Variants in IDI2 observed in about 807,000 individuals in gnomAD.
IDI2 encodes isopentenyl-diphosphate delta isomerase 2, also known as isopentenyl-diphosphate delta-isomerase 2.
Under a neutral mutation model 14.8 loss-of-function variants are expected in IDI2, and 18 were observed. That is an observed-to-expected ratio of 1.22 (90% CI 0.84 to 1.80). The LOEUF (loss-of-function observed/expected upper bound fraction) is 1.80, where lower values mean the gene tolerates loss of function less well. Ranked by LOEUF, IDI2 falls within the 40% of genes most tolerant of loss-of-function variation. IDI2 has a pLI of 0.00. For missense variants in IDI2, 316 were observed against 283.2 expected (o/e 1.12, Z -0.83); for synonymous variants, 133 against 109.6 (o/e 1.21, Z -1.33).
At position 1,020,854 on chromosome 10, in the gene IDI2, T is replaced by C. The variant is rs140277950; in HGVS notation, c.279A>G (p.Pro93=). 6.2e-6 allele frequency: 10 copies of C among 1,614,032 alleles called. No individual in the cohort carries two copies. The African/African-American group carries it at 8.0e-5, about 13-fold the overall frequency. Residue 93 remains proline, a synonymous_variant, in exon 4 of 5, where the codon CCA becomes CCG. Transcript: ENST00000277517. The stretch of plus-strand genomic sequence containing the variant: ...TGGCATCCTTTTCTTCCAGTTCTGC[T>C]GGGTTGTATAATGGGTGGCTACTAC... ...DSCSSHPLYN[P]AELEEKDAIG...
chr10:1,022,792 C>A lies in IDI2; in HGVS notation c.143-17G>T, dbSNP rs140328527. The A allele has an allele frequency of 5.4e-3, 8,607 of 1,593,004 alleles. 64 individuals are homozygous for A. The highest frequency in any genetic ancestry group is 5.3e-3 in the Middle Eastern group (32 of 6,034). ...GCAGCAGCCCTGCAAAGGTAAGTGC[C>A]ATTTGTGTGAGTGCATGCCTGGAGT... is the stretch of plus-strand genomic sequence containing the variant. On this transcript the variant is annotated splice_polypyrimidine_tract_variant and intron_variant, in intron 2 of 4. Coordinates refer to ENST00000277517, the MANE Select transcript of IDI2 (RefSeq NM_033261.3).
chr10:1,020,974 A>T (rs1459757632), intron 3 of IDI2, 77 bp from the exon 4 acceptor site: 2 of 1,467,516 alleles, frequency 1.4e-6, no homozygotes, highest in South Asian at 2.6e-5. Flanking sequence ...CAGATGCTTC[A>T]TGTAAAACCA....
intron 3 of IDI2, among the ~76,000 whole-genome samples, chr10:1,021,990 T>G (rs944217329): frequency 2.0e-5 from 3 of 152,214 alleles, no homozygotes; most frequent in Non-Finnish European, 4.4e-5. Context: ...CCGGGCCCGG[T>G]GGCTCACGCC....
At chr10:1,023,388 A>G (rs1832150659) in intron 2 of IDI2, among the ~76,000 whole-genome samples, 1 of 151,820 alleles carries the variant, frequency 6.6e-6, no homozygotes, top group Admixed American at 6.6e-5. Flanking sequence ...AGGCAGGAGA[A>G]TGGCATGAAC....
chr10:1,021,886 G>T (rs1484820313), intron 3 of IDI2, among the ~76,000 whole-genome samples: 1 of 152,214 alleles, frequency 6.6e-6, no homozygotes, highest in African/African-American at 2.4e-5. Context: ...CTCAGGCAAG[G>T]TCTGGTTTTG....
chr10:1,022,894 G>T, intron 2 of IDI2, 119 bp from the exon 3 acceptor site: 1 of 704,422 alleles, frequency 1.4e-6, no homozygotes, highest in Non-Finnish European at 2.5e-6. Context: ...CACCTGGGCA[G>T]GGCAAAGGGG....
chr10:1,020,716 C>T, intron 4 of IDI2, 51 bp downstream of exon 4: 2 of 1,543,614 alleles, frequency 1.3e-6, no homozygotes, highest in Non-Finnish European at 1.7e-6. Flanking sequence ...CGTCTGCCCG[C>T]TGCCAACCTG....
At chr10:1,021,440 C>T (rs758816027) in intron 3 of IDI2, among the ~76,000 whole-genome samples, 11 of 152,238 alleles carry the variant, frequency 7.2e-5, no homozygotes, top group Non-Finnish European at 1.0e-4. Flanking sequence ...AGCGCTATGA[C>T]GGGAGGTCAC....
chr10:1,020,046 C>A, intron 4 of IDI2: 1 of 580,402 alleles, frequency 1.7e-6, no homozygotes. Flanking sequence ...TTCCAGTAAA[C>A]CTGTCTGTCT....
In IDI2 at chr10:1,019,383, A is replaced by G. The variant is rs1832047607; in HGVS notation, c.*134T>C. On this transcript the variant is annotated 3_prime_UTR_variant, in exon 5 of 5. Transcript: ENST00000277517. ...ATGACAAAGTTGATGAAAAGGTTGA[A>G]ATAGTGATTTATACATGATGGGCAA... 4.9e-6 allele frequency: 3 copies of G among 616,364 alleles called. No homozygotes were observed. Among genetic ancestry groups the G allele is most frequent in the Non-Finnish European group, 8.3e-6 (3 of 359,306 alleles). The allele number at this position is 616,364 out of a possible 1,614,324, so 38.2% of individuals were successfully genotyped here.
In IDI2 at chr10:1,022,775, C is replaced by T. The variant is rs759067409; in HGVS notation, c.143G>A (p.Gly48Glu). 4.3e-6 allele frequency: 7 copies of T among 1,612,744 alleles called. No homozygotes were observed. The Admixed American group carries it at 1.2e-4, about 27-fold the overall frequency. ...NCHLNENIEK[G>E]LLHRAFSVVL... ...AACGCTGAAGGCTCGGTGCAGCAGC[C>T]CTGCAAAGGTAAGTGCCATTTGTGT... The change falls in exon 3 of 5, where the codon GGG becomes GAG. Residue 48 changes from glycine (G) to glutamate (E), a missense_variant and splice_region_variant. Coordinates refer to ENST00000277517, the MANE Select transcript of IDI2 (RefSeq NM_033261.3).
chr10:1,023,579 A>G (rs941471073), intron 2 of IDI2, among the ~76,000 whole-genome samples: 3 of 152,332 alleles, frequency 2.0e-5, no homozygotes, highest in Middle Eastern at 3.4e-3. Context: ...CAGAAAAACA[A>G]GTATCACATG....
At chr10:1,025,120 G>A (rs975418957) in intron 1 of IDI2, among the ~76,000 whole-genome samples, 3 of 151,968 alleles carry the variant, frequency 2.0e-5, no homozygotes, top group African/African-American at 7.3e-5. Context: ...GCAGCCCTGT[G>A]CAAAACCACT....
chr10:1,020,983 C>T, intron 3 of IDI2, 86 bp from the exon 4 acceptor site: 1 of 1,403,402 alleles, frequency 7.1e-7, no homozygotes, highest in Non-Finnish European at 9.7e-7. Context: ...CATGTAAAAC[C>T]ATCATCCGTC....
rs372615280 is a variant in IDI2, at chr10:1,020,379, C to T, written c.366+388G>A. On this transcript the variant is annotated intron_variant, in intron 4 of 4. Coordinates refer to ENST00000277517, the MANE Select transcript of IDI2 (RefSeq NM_033261.3). Reference sequence around the variant, plus strand: ...CTAATTTTTGTACTTTTAATAGAGACGGGGTTTCACCATGTTGGCCAGGAT... The same window carrying T: ...CTAATTTTTGTACTTTTAATAGAGATGGGGTTTCACCATGTTGGCCAGGAT... Among the ~76,000 whole-genome samples the T allele has an allele frequency of 3.3e-4, 50 of 152,070 alleles. 2 individuals are homozygous for T. The East Asian group carries it at 5.6e-3, about 17-fold the overall frequency.
Position 1,022,769 on chromosome 10 carries a change from A to C in IDI2, c.149T>G (p.Leu50Arg), listed in dbSNP as rs1832133887. ...CAAGACAACGCTGAAGGCTCGGTGCAGCAGCCCTGCAAAGGTAAGTGCCAT... is the reference window on the plus strand; with the variant it reads ...CAAGACAACGCTGAAGGCTCGGTGCCGCAGCCCTGCAAAGGTAAGTGCCAT... ...HLNENIEKGLLHRAFSVVLFN... is the reference protein window; with the variant it reads ...HLNENIEKGLRHRAFSVVLFN... The change falls in exon 3 of 5, where the codon CTG (leucine) becomes CGG (arginine). Residue 50 changes from leucine (L) to arginine (R), a missense_variant. Leu to Arg is a moderately radical substitution (Grantham distance 102, BLOSUM62 -2). Coordinates refer to ENST00000277517, the MANE Select transcript of IDI2 (RefSeq NM_033261.3). 1 of 1,613,468 alleles carries C rather than the reference A, an allele frequency of 6.2e-7. No individual in the cohort carries two copies. The highest frequency in any genetic ancestry group is 1.3e-5 in the African/African-American group (1 of 74,942).
At chr10:1,020,543 C>G (rs77737972) in intron 4 of IDI2, among the ~76,000 whole-genome samples, 12,493 of 152,278 alleles carry the variant, frequency 0.082, 659 homozygotes, top group South Asian at 0.11. Flanking sequence ...TCAACCCTGC[C>G]TGGGACACAT....
chr10:1,022,184 A>G (rs891606461), intron 3 of IDI2, among the ~76,000 whole-genome samples: 5 of 151,756 alleles, frequency 3.3e-5, no homozygotes, highest in Non-Finnish European at 5.9e-5. Context: ...GCGTGAACCC[A>G]GGAGGCGGGG....
chr10:1,019,206 C>G lies in IDI2; in HGVS notation c.*311G>C. On this transcript the variant is annotated 3_prime_UTR_variant, in exon 5 of 5. Coordinates refer to ENST00000277517, the MANE Select transcript of IDI2 (RefSeq NM_033261.3). The stretch of plus-strand genomic sequence containing the variant: ...CCAGGCTAGTCCGCCTGCTTCAGGA[C>G]TCTCAAGATCTCCCCAAGACTTTCA... The G allele has an allele frequency of 3.8e-6, 1 of 265,452 alleles. No homozygotes were observed. The highest frequency in any genetic ancestry group is 7.3e-6 in the Non-Finnish European group (1 of 137,650). The allele number at this position is 265,452 out of a possible 1,614,324, so 16.4% of individuals were successfully genotyped here.
Sources: allele counts gnomAD v4.1 joint callset (sites outside exome capture counted in the v4.1 genomes callset), GRCh38; gene constraint gnomAD v4.1.1; transcripts MANE v1.5; gene names NCBI Gene and HGNC (gene_info 2026-07-23, HGNC 2026-07-21).